The following ROBO2 variants were observed in gnomAD, a reference collection of about 807,000 sequenced individuals.
The protein encoded by ROBO2 is roundabout guidance receptor 2.
Under a neutral mutation model 160.8 loss-of-function variants are expected in ROBO2, and 53 were observed. That is an observed-to-expected ratio of 0.33 (90% confidence interval 0.26 to 0.41). The LOEUF (loss-of-function observed/expected upper bound fraction) is 0.41. Ranked by LOEUF, ROBO2 falls within the 10% of genes least tolerant of loss-of-function variation. The pLI, the probability that ROBO2 is intolerant of heterozygous loss-of-function variation, is 1.00. For missense variants in ROBO2, 1,577 were observed against 1,722.4 expected, an observed-to-expected ratio of 0.92 and a Z score of 1.49; for synonymous variants, 664 against 611.7, an observed-to-expected ratio of 1.09 and a Z score of -1.26.
At chr3:77,138,681 C>CA (rs2076469298) in intron 2 of ROBO2, among the ~76,000 whole-genome samples, 1 of 130,488 alleles carries the variant, frequency 7.7e-6, no homozygotes, top group Non-Finnish European at 1.8e-5. Flanking sequence ...TTTAATGTTC[C>CA]GTTTTAGTTC....
rs780375737 is a variant in ROBO2, at chr3:77,288,298, A to G, written c.389-189116A>G. Among the ~76,000 whole-genome samples, 42 of 152,212 alleles carry G rather than the reference A, an allele frequency of 2.8e-4. 1 individual carries two copies. Among genetic ancestry groups the G allele is most frequent in the Non-Finnish European group, 7.3e-5 (5 of 68,040 alleles). ...AGAGAATAGAGGTAGAGAGGTGTTA[A>G]CATAAGGCAAAAACATTAAACTGAC... On this transcript the variant is annotated intron_variant, in intron 2 of 25. Transcript: ENST00000461745.
chr3:76,665,987 TA>T (rs2092019287), intron 2 of ROBO2, among the ~76,000 whole-genome samples: 1 of 122,554 alleles, frequency 8.2e-6, no homozygotes, highest in Non-Finnish European at 1.8e-5. Context: ...TATATACATG[TA>T]ATATATATAA....
intron 2 of ROBO2, among the ~76,000 whole-genome samples, chr3:76,291,356 G>C (rs190024710): frequency 6.6e-6 from 1 of 151,988 alleles, no homozygotes; most frequent in Admixed American, 6.5e-5. Flanking sequence ...AGAGTCTCTG[G>C]GGGACTTTAT....
chr3:75,999,539 A>G (rs960363083), intron 2 of ROBO2, among the ~76,000 whole-genome samples: 2 of 152,170 alleles, frequency 1.3e-5, no homozygotes, highest in East Asian at 1.9e-4. Flanking sequence ...ATATTACGTT[A>G]TAAAGATATT....
intron 2 of ROBO2, among the ~76,000 whole-genome samples, chr3:77,009,071 C>T (rs1196347927): frequency 1.3e-5 from 2 of 152,014 alleles, no homozygotes; most frequent in African/African-American, 4.8e-5. Flanking sequence ...CCTTATCTCT[C>T]CAATAAAAAT....
At chr3:76,245,816 G>T (rs966455537) in intron 2 of ROBO2, among the ~76,000 whole-genome samples, 1 of 152,012 alleles carries the variant, frequency 6.6e-6, no homozygotes, top group Admixed American at 6.6e-5. Context: ...TGCTCCCTGG[G>T]CACAGACAAG....
intron 2 of ROBO2, among the ~76,000 whole-genome samples, chr3:76,640,539 TAATAAATAAATAAATA>T (rs56257359): frequency 9.0e-5 from 13 of 144,604 alleles, no homozygotes; most frequent in African/African-American, 2.6e-4. Context: ...GTCTCAAAAA[TAATAAATAAATAAATA>T]AATAAATAAA....
At chr3:77,401,397 G>A (rs1405700948) in intron 2 of ROBO2, among the ~76,000 whole-genome samples, 1 of 152,006 alleles carries the variant, frequency 6.6e-6, no homozygotes, top group Non-Finnish European at 1.5e-5. Context: ...TTCAAGGCAG[G>A]GACAGTGTAT....
At chr3:77,114,701 G>A (rs528294765) in intron 2 of ROBO2, among the ~76,000 whole-genome samples, 1 of 152,266 alleles carries the variant, frequency 6.6e-6, no homozygotes, top group Non-Finnish European at 1.5e-5. Flanking sequence ...AAGTGTACAA[G>A]TAGAGATTCC....
intron 2 of ROBO2, among the ~76,000 whole-genome samples, chr3:76,611,727 C>G (rs1253386382): frequency 6.6e-6 from 1 of 152,022 alleles, no homozygotes; most frequent in African/African-American, 2.4e-5. Context: ...CTTTTTGTTT[C>G]ATTGATCATT....
At chr3:77,307,623 C>T (rs761073897) in intron 2 of ROBO2, among the ~76,000 whole-genome samples, 1 of 152,180 alleles carries the variant, frequency 6.6e-6, no homozygotes, top group Non-Finnish European at 1.5e-5. Flanking sequence ...TAGCTCACAC[C>T]TGTAATCCCA....
chr3:76,551,100 T>C (rs562837322), intron 2 of ROBO2, among the ~76,000 whole-genome samples: 2 of 151,966 alleles, frequency 1.3e-5, no homozygotes, highest in African/African-American at 4.8e-5. Flanking sequence ...ATGGTGCTTT[T>C]TCCAGTCCCA....
intron 2 of ROBO2, among the ~76,000 whole-genome samples, chr3:76,447,686 T>G (rs1306876251): frequency 6.6e-6 from 1 of 150,978 alleles, no homozygotes; most frequent in Non-Finnish European, 1.5e-5. Flanking sequence ...ATGTGGCACA[T>G]ATACACCATG....
intron 2 of ROBO2, among the ~76,000 whole-genome samples, chr3:76,132,006 G>T (rs914854645): frequency 1.3e-5 from 2 of 152,094 alleles, no homozygotes; most frequent in African/African-American, 4.8e-5. Flanking sequence ...TTTGAGCCTT[G>T]TGCAAACTCC....
At chr3:77,393,509 T>C (rs1414010106) in intron 2 of ROBO2, among the ~76,000 whole-genome samples, 1 of 145,624 alleles carries the variant, frequency 6.9e-6, no homozygotes, top group African/African-American at 2.5e-5. Context: ...TAGCACAGAG[T>C]AAGTTACTTA....
At chr3:76,938,247 C>T (rs2077862343) in intron 2 of ROBO2, among the ~76,000 whole-genome samples, 1 of 152,000 alleles carries the variant, frequency 6.6e-6, no homozygotes, top group African/African-American at 2.4e-5. Context: ...CCCAGCTACT[C>T]GGGAGGCTGA....
At chr3:77,090,309 T>A (rs2069975265) in intron 1 of ROBO2, among the ~76,000 whole-genome samples, 2 of 145,160 alleles carry the variant, frequency 1.4e-5, no homozygotes, top group South Asian at 2.2e-4. Flanking sequence ...TTTCTTTTAA[T>A]CTTCTAAACC....
chr3:77,398,974 T>C (rs2075553486), intron 2 of ROBO2, among the ~76,000 whole-genome samples: 1 of 152,146 alleles, frequency 6.6e-6, no homozygotes, highest in Non-Finnish European at 1.5e-5. Flanking sequence ...CTTCTAAAAG[T>C]GATACAGTCA....
chr3:76,956,888 T>C (rs558414549), intron 2 of ROBO2, among the ~76,000 whole-genome samples: 2 of 152,218 alleles, frequency 1.3e-5, no homozygotes, highest in South Asian at 4.1e-4. Flanking sequence ...TTTGGGGGAC[T>C]GAGGAAGGTT....
Sources: allele counts gnomAD v4.1 joint callset (sites outside exome capture counted in the v4.1 genomes callset), GRCh38; gene constraint gnomAD v4.1.1; transcripts MANE v1.5; gene names NCBI Gene and HGNC (gene_info 2026-07-23, HGNC 2026-07-21).